The following VAV2 variants were observed in gnomAD, a reference collection of about 807,000 sequenced individuals.
The protein encoded by VAV2 is guanine nucleotide exchange factor VAV2.
A neutral mutation model predicts 132.5 loss-of-function variants in VAV2; 67 were observed. That is an observed-to-expected ratio of 0.51 (90% CI 0.42 to 0.62). The LOEUF (loss-of-function observed/expected upper bound fraction) is 0.62, where lower values mean the gene tolerates loss of function less well. Among genes scored for constraint, VAV2 ranks in the 20% least tolerant of loss-of-function variants. VAV2 has a pLI of 0.00. For missense variants in VAV2, 938 were observed against 1,153.6 expected, an observed-to-expected ratio of 0.81 and a Z score of 2.71; for synonymous variants, 492 against 443.5, an observed-to-expected ratio of 1.11 and a Z score of -1.37.
intron 15 of VAV2, among the ~76,000 whole-genome samples, chr9:133,787,738 C>T (rs925192189): frequency 6.6e-6 from 1 of 152,098 alleles, no homozygotes; most frequent in African/African-American, 2.4e-5. Flanking sequence ...TGCCCCACAG[C>T]AGCTTCGGCC....
At chr9:133,836,369 C>A (rs771523248) in intron 3 of VAV2, among the ~76,000 whole-genome samples, 67 of 152,366 alleles carry the variant, frequency 4.4e-4, no homozygotes, top group Middle Eastern at 3.4e-3. Context: ...CCCGCACCAG[C>A]CCCTCGCTTA....
chr9:133,964,943 T>C (rs560333535), intron 1 of VAV2, among the ~76,000 whole-genome samples: 1 of 152,266 alleles, frequency 6.6e-6, no homozygotes, highest in Non-Finnish European at 1.5e-5. Context: ...ACCACTCTTA[T>C]TCAACGTAGT....
chr9:133,785,967 G>A, intron 16 of VAV2, 82 bp from the exon 17 acceptor site: 1 of 1,250,220 alleles, frequency 8.0e-7, no homozygotes, highest in Non-Finnish European at 1.2e-6. Context: ...TCTCGCCTGT[G>A]CAGCATGTGC....
At position 133,896,906 on chromosome 9, in the gene VAV2, A is replaced by G. The variant is rs1215763104; in HGVS notation, c.322-35474T>C. ...TCAGGAGATCAAGACCATCCTGGCT[A>G]ACATGGTGAAACCCCGTCTCTACTA... On this transcript the variant is annotated intron_variant, in intron 2 of 29. Coordinates refer to ENST00000371850, the MANE Select transcript of VAV2 (RefSeq NM_001134398.2). 2.0e-5 allele frequency among the ~76,000 whole-genome samples: 3 copies of G among 152,060 alleles called. No homozygotes were observed. The East Asian group carries it at 5.8e-4, about 29-fold the overall frequency.
At chr9:133,859,342 G>A (rs1386644307) in intron 3 of VAV2, among the ~76,000 whole-genome samples, 2 of 152,242 alleles carry the variant, frequency 1.3e-5, no homozygotes, top group African/African-American at 4.8e-5. Flanking sequence ...CACGGGCACA[G>A]CTGGGACCCA....
At chr9:133,957,484 G>A (rs1471304253) in intron 1 of VAV2, among the ~76,000 whole-genome samples, 6 of 152,078 alleles carry the variant, frequency 3.9e-5, no homozygotes, top group Admixed American at 2.6e-4. Context: ...GGCATATTGC[G>A]TCCTGGTGCC....
At chr9:133,908,195 T>G (rs1050200876) in intron 2 of VAV2, among the ~76,000 whole-genome samples, 1 of 151,626 alleles carries the variant, frequency 6.6e-6, no homozygotes, top group Non-Finnish European at 1.5e-5. Flanking sequence ...CCCTCCCCTT[T>G]GAAGTGGCAC....
At chr9:133,868,811 T>C (rs975184902) in intron 2 of VAV2, among the ~76,000 whole-genome samples, 1 of 152,066 alleles carries the variant, frequency 6.6e-6, no homozygotes, top group African/African-American at 2.4e-5. Flanking sequence ...CAGCCAAACC[T>C]CAGTCAAGAC....
At chr9:133,941,051 G>A (rs936334312) in intron 1 of VAV2, among the ~76,000 whole-genome samples, 6 of 151,890 alleles carry the variant, frequency 4.0e-5, no homozygotes, top group Admixed American at 6.6e-5. Flanking sequence ...TGACAGGAAC[G>A]TTCTATCCAT....
At chr9:133,908,729 C>A (rs1839767722) in intron 2 of VAV2, among the ~76,000 whole-genome samples, 1 of 152,276 alleles carries the variant, frequency 6.6e-6, no homozygotes, top group Non-Finnish European at 1.5e-5. Flanking sequence ...CGTCCCCACG[C>A]CCTTGCCAGC....
At chr9:133,855,026 TG>T (rs1184338543) in intron 3 of VAV2, among the ~76,000 whole-genome samples, 2 of 151,772 alleles carry the variant, frequency 1.3e-5, no homozygotes, top group Non-Finnish European at 2.9e-5. Context: ...CAACACCAGA[TG>T]GGAAAAGGGA....
intron 21 of VAV2, among the ~76,000 whole-genome samples, chr9:133,779,545 C>T (rs865976580): frequency 9.9e-5 from 15 of 152,230 alleles, no homozygotes; most frequent in African/African-American, 3.4e-4. Context: ...TCTAGAAGCA[C>T]GTTTCCATTA....
chr9:133,933,039 G>A (rs910893128), intron 2 of VAV2, among the ~76,000 whole-genome samples: 1 of 152,276 alleles, frequency 6.6e-6, no homozygotes, highest in African/African-American at 2.4e-5. Flanking sequence ...TAAGCAGCAA[G>A]TGAGGGCCAT....
At chr9:133,956,042 C>T (rs1043244133) in intron 1 of VAV2, among the ~76,000 whole-genome samples, 1 of 151,700 alleles carries the variant, frequency 6.6e-6, no homozygotes, top group East Asian at 2.0e-4. Flanking sequence ...CTGGAGCCCA[C>T]GGGGCCAGGA....
intron 2 of VAV2, among the ~76,000 whole-genome samples, chr9:133,934,143 GGAT>G (rs1325282230): frequency 2.0e-5 from 3 of 152,158 alleles, no homozygotes; most frequent in Admixed American, 6.5e-5. Context: ...ATAAATGGAT[GGAT>G]GAGTGAATGA....
At chr9:133,838,911 A>T (rs1281275441) in intron 3 of VAV2, among the ~76,000 whole-genome samples, 6 of 105,892 alleles carry the variant, frequency 5.7e-5, no homozygotes, top group Non-Finnish European at 9.0e-5. Flanking sequence ...GAATGAATGG[A>T]TGTATGGATG....
At position 133,937,980 on chromosome 9, in the gene VAV2, G is replaced by A. The variant is rs537533922; in HGVS notation, c.321+1123C>T. On this transcript the variant is annotated intron_variant, in intron 2 of 29. Coordinates refer to ENST00000371850, the MANE Select transcript of VAV2 (RefSeq NM_001134398.2). The stretch of plus-strand genomic sequence containing the variant: ...GGGAAGCGCCAAGCCTGGTGGCTCC[G>A]GGATCGCCCTTGTTCCAGGTCCTGA... Among the ~76,000 whole-genome samples the A allele has an allele frequency of 9.2e-5, 14 of 152,324 alleles. No homozygotes were observed. The South Asian group carries it at 2.1e-3, about 23-fold the overall frequency.
At chr9:133,890,002 T>G (rs1339397260) in intron 2 of VAV2, among the ~76,000 whole-genome samples, 1 of 152,212 alleles carries the variant, frequency 6.6e-6, no homozygotes, top group Non-Finnish European at 1.5e-5. Context: ...CCTGTCATCC[T>G]GGCTGGGAAA....
chr9:133,918,822 C>T lies in VAV2; in HGVS notation c.321+20281G>A, dbSNP rs1840195575. Reference sequence around the variant, plus strand: ...ACAGAGTCTTGTTCTGTCGCCCAGGCTGAAGTGCAGTGGTGCGATCTCGGC... The same window carrying T: ...ACAGAGTCTTGTTCTGTCGCCCAGGTTGAAGTGCAGTGGTGCGATCTCGGC... On this transcript the variant is annotated intron_variant, in intron 2 of 29. Coordinates refer to ENST00000371850, the MANE Select transcript of VAV2 (RefSeq NM_001134398.2). This position sits in a 1 kb window ranked among gnomAD's most constrained non-coding sequence, Gnocchi z 4.7. Among the ~76,000 whole-genome samples the T allele has an allele frequency of 6.6e-6, 1 of 152,238 alleles. No homozygotes were observed. Among genetic ancestry groups the T allele is most frequent in the South Asian group, 2.1e-4 (1 of 4,820 alleles).
Sources: allele counts gnomAD v4.1 joint callset (sites outside exome capture counted in the v4.1 genomes callset), GRCh38; gene constraint gnomAD v4.1.1; non-coding constraint Gnocchi (gnomAD v3.1); transcripts MANE v1.5; gene names NCBI Gene and HGNC (gene_info 2026-07-23, HGNC 2026-07-21).